CASR: variants seen among roughly 807,000 people sequenced by gnomAD.
CASR encodes calcium sensing receptor.
A neutral mutation model predicts 69.1 loss-of-function variants in CASR; 23 were observed. That is an observed-to-expected ratio of 0.33 (90% CI 0.24 to 0.47). The LOEUF is 0.47. CASR is among the 20% of genes least tolerant of loss of function. CASR has a pLI of 1.00. For synonymous variants in CASR, 541 were observed against 544.7 expected (o/e 0.99, Z 0.10); for missense variants, 924 against 1,356.1 (o/e 0.68, Z 5.00).
At chr3:122,253,083 T>C (rs914542080) in intron 1 of CASR, among the ~76,000 whole-genome samples, 2 of 152,184 alleles carry the variant, frequency 1.3e-5, no homozygotes, top group African/African-American at 2.4e-5. Context: ...GTATAAGAAC[T>C]GTTCTTAAAA....
At chr3:122,254,857 A>G (rs1032434517) in intron 2 of CASR, among the ~76,000 whole-genome samples, 1 of 151,866 alleles carries the variant, frequency 6.6e-6, no homozygotes, top group Non-Finnish European at 1.5e-5. Context: ...AGTCAGCATG[A>G]CCCAGGCATC....
chr3:122,184,392 C>A (rs555357271), intron 1 of CASR: 1 of 152,638 alleles, frequency 6.6e-6, no homozygotes, highest in African/African-American at 2.4e-5. Flanking sequence ...CCAGACGCGC[C>A]TCTCCAAGAC....
At chr3:122,283,557 A>C (rs2074918865) in intron 6 of CASR, 130 bp from the exon 7 acceptor site, 5 of 744,376 alleles carry the variant, frequency 6.7e-6, no homozygotes, top group Non-Finnish European at 1.2e-5. Context: ...AATCAGAATG[A>C]TTTCATCAAA....
chr3:122,285,478 T>C lies in CASR; in HGVS notation c.*287T>C. ...ACATCTAATGTCTCTTCCTCTGTTC[T>C]ATCCCACCCAACAGCTCAGAGATGA... On this transcript the variant is annotated 3_prime_UTR_variant, in exon 7 of 7. Coordinates refer to ENST00000639785, the MANE Select transcript of CASR (RefSeq NM_000388.4). The C allele has an allele frequency of 2.4e-6, 1 of 412,752 alleles. No homozygotes were observed. The highest frequency in any genetic ancestry group is 4.5e-6 in the Non-Finnish European group (1 of 220,090). 25.6% of individuals were successfully genotyped at this position (412,752 alleles called of 1,614,324 possible).
In CASR at chr3:122,262,182, A is replaced by G. The variant is rs1458949348; in HGVS notation, c.1147A>G (p.Arg383Gly). The change falls in exon 4 of 7, where the codon AGG becomes GGG. Residue 383 changes from arginine (R) to glycine (G), a missense_variant. Arg to Gly is a moderately radical substitution (Grantham distance 125). This residue lies in a region of CASR where 310 missense variants were observed against 395.7 expected (regional missense o/e 0.78). Coordinates refer to ENST00000639785, the MANE Select transcript of CASR (RefSeq NM_000388.4). ...GAGAGGTCACGAAGAAAGTGGCGAC[A>G]GGTTTAGCAACAGCTCGACAGCCTT... ...FLRGHEESGD[R>G]FSNSSTAFRP... 3.1e-6 allele frequency: 5 copies of G among 1,614,272 alleles called. No individual in the cohort carries two copies. Among genetic ancestry groups the G allele is most frequent in the Non-Finnish European group, 4.2e-6 (5 of 1,180,046 alleles).
At position 122,284,653 on chromosome 3, in the gene CASR, G is replaced by T; in HGVS notation, c.2699G>T (p.Ser900Ile). Residue 900 changes from serine to isoleucine, a missense_variant, in exon 7 of 7, where the codon AGC becomes ATC. Around this residue, in one of 8 missense-constraint regions of CASR, gnomAD observed 201 missense variants for 228.8 expected, o/e 0.88. Coordinates refer to ENST00000639785, the MANE Select transcript of CASR (RefSeq NM_000388.4). ...AGCAACGTCTCCCGCAAGCGGTCCA[G>T]CAGCCTTGGAGGCTCCACGGGATCC... ...RRSNVSRKRS[S>I]SLGGSTGSTP... 1 of 1,613,896 alleles carries T rather than the reference G, an allele frequency of 6.2e-7. No homozygotes were observed. Among genetic ancestry groups the T allele is most frequent in the Non-Finnish European group, 8.5e-7 (1 of 1,179,866 alleles).
chr3:122,219,910 T>C (rs1381339409), intron 1 of CASR, among the ~76,000 whole-genome samples: 1 of 152,220 alleles, frequency 6.6e-6, no homozygotes, highest in East Asian at 1.9e-4. Flanking sequence ...ACTTGCCTTC[T>C]TGATCTTGTC....
At position 122,275,977 on chromosome 3, in the gene CASR, G is replaced by A. The variant is rs1244344932; in HGVS notation, c.1543G>A (p.Ala515Thr). 4 of 1,613,904 alleles carry A rather than the reference G, an allele frequency of 2.5e-6. No homozygotes were observed. The highest frequency in any genetic ancestry group is 1.3e-5 in the African/African-American group (1 of 74,918). The change falls in exon 5 of 7, where the codon GCC (alanine) becomes ACC (threonine). Residue 515 changes from alanine (A) to threonine (T), a missense_variant. Coordinates refer to ENST00000639785, the MANE Select transcript of CASR (RefSeq NM_000388.4). ...FKEVGYYNVY[A>T]KKGERLFINE... ...GGAAGTCGGGTATTACAACGTCTAT[G>A]CCAAGAAGGGAGAAAGACTCTTCAT...
At chr3:122,255,368 G>T (rs556311257) in intron 2 of CASR, among the ~76,000 whole-genome samples, 8 of 152,294 alleles carry the variant, frequency 5.3e-5, no homozygotes, top group Admixed American at 3.3e-4. Flanking sequence ...CCAATAGCTG[G>T]AAAATGAAAA....
intron 1 of CASR, among the ~76,000 whole-genome samples, chr3:122,242,789 G>A (rs116771029): frequency 6.7e-4 from 102 of 152,212 alleles, no homozygotes; most frequent in African/African-American, 2.4e-3. Context: ...CAGAAGTATG[G>A]CAACCAAAAC....
chr3:122,191,667 C>G (rs573745359), intron 1 of CASR, among the ~76,000 whole-genome samples: 1 of 152,178 alleles, frequency 6.6e-6, no homozygotes, highest in African/African-American at 2.4e-5. Context: ...TGAAAATAAA[C>G]TCAAAAAAAT....
rs781343891 is a variant in CASR at position 122,284,402 on chromosome 3, C to T, written c.2448C>T (p.Ile816=). The change falls in exon 7 of 7, where the codon ATC becomes ATT. Residue 816 remains isoleucine, a synonymous_variant. Coordinates refer to ENST00000639785, the MANE Select transcript of CASR (RefSeq NM_000388.4). ...CCTTCAGCATGCTCATCTTCTTCAT[C>T]GTCTGGATCTCCTTCATTCCAGCCT... ...FITFSMLIFF[I]VWISFIPAYA... The T allele has an allele frequency of 3.1e-6, 5 of 1,613,972 alleles. No homozygotes were observed. Among genetic ancestry groups the T allele is most frequent in the East Asian group, 4.5e-5 (2 of 44,904 alleles).
intron 3 of CASR, among the ~76,000 whole-genome samples, chr3:122,259,628 A>T (rs920777680): frequency 2.4e-4 from 29 of 122,238 alleles, no homozygotes; most frequent in Admixed American, 2.1e-3. Context: ...CACATTGGAA[A>T]TTTTTTTTTT....
intron 1 of CASR, among the ~76,000 whole-genome samples, chr3:122,215,672 A>T (rs1164375573): frequency 6.6e-6 from 1 of 152,232 alleles, no homozygotes; most frequent in African/African-American, 2.4e-5. Context: ...CCACCTTGGA[A>T]AAAGGATTTG....
intron 4 of CASR, among the ~76,000 whole-genome samples, chr3:122,266,506 T>C (rs1175018051): frequency 6.6e-6 from 1 of 152,076 alleles, no homozygotes; most frequent in East Asian, 1.9e-4. Flanking sequence ...CTTGGCTCAC[T>C]GCAAACTCCG....
intron 1 of CASR, among the ~76,000 whole-genome samples, chr3:122,229,953 A>G (rs2074263827): frequency 6.6e-6 from 1 of 152,220 alleles, no homozygotes; most frequent in African/African-American, 2.4e-5. Context: ...TTCTACTGCT[A>G]ACACTGCTAG....
intron 1 of CASR, among the ~76,000 whole-genome samples, chr3:122,226,503 G>T (rs1305506366): frequency 6.6e-6 from 1 of 152,138 alleles, no homozygotes; most frequent in African/African-American, 2.4e-5. Context: ...GGACCCAAGC[G>T]GGTTGCCACT....
chr3:122,220,666 C>A (rs951476976), intron 1 of CASR, among the ~76,000 whole-genome samples: 11 of 152,172 alleles, frequency 7.2e-5, no homozygotes, highest in African/African-American at 2.7e-4. Flanking sequence ...GATTCAACAA[C>A]GTACATTAAA....
chr3:122,219,273 A>G (rs1246386466), intron 1 of CASR, among the ~76,000 whole-genome samples: 3 of 152,244 alleles, frequency 2.0e-5, no homozygotes, highest in Admixed American at 6.5e-5. Context: ...GATAACTTGC[A>G]CTGGGACTGT....
Sources: allele counts gnomAD v4.1 joint callset (sites outside exome capture counted in the v4.1 genomes callset), GRCh38; gene constraint gnomAD v4.1.1; regional missense constraint gnomAD v4.1.1; transcripts MANE v1.5; gene names NCBI Gene and HGNC (gene_info 2026-07-23, HGNC 2026-07-21).